Variants in LNPEP observed in about 807,000 individuals in gnomAD.
LNPEP encodes the protein leucyl-cystinyl aminopeptidase.
A neutral mutation model predicts 120.6 loss-of-function variants in LNPEP; 64 were observed. The observed-to-expected ratio is 0.53, with a 90% CI of 0.43 to 0.65. The LOEUF (loss-of-function observed/expected upper bound fraction) is 0.65. Among genes scored for constraint, LNPEP ranks in the 30% least tolerant of loss-of-function variants. The probability of loss-of-function intolerance (pLI) is 0.00; values close to 1 mark genes in which losing one functional copy is unlikely to be tolerated. For missense variants in LNPEP, 1,057 were observed against 1,200.0 expected (o/e 0.88, Z 1.76); for synonymous variants, 435 against 425.4 (o/e 1.02, Z -0.28).
chr5:96,960,904 T>C lies in LNPEP; in HGVS notation c.20-18234T>C, dbSNP rs116047276. ...TGTTTTTTTTTTCCATAATCATGTC[T>C]GGTCTCTTTTTTGAGACCAAGATGA... is the stretch of plus-strand genomic sequence containing the variant. On this transcript the variant is annotated intron_variant, in intron 1 of 17. Transcript: ENST00000231368. Among the ~76,000 whole-genome samples, 614 of 152,210 alleles carry C rather than the reference T, an allele frequency of 4.0e-3. 6 individuals carry two copies. Among genetic ancestry groups the C allele is most frequent in the African/African-American group, 0.014 (576 of 41,552 alleles).
intron 1 of LNPEP, among the ~76,000 whole-genome samples, chr5:96,966,830 A>T (rs566096742): frequency 6.6e-6 from 1 of 152,272 alleles, no homozygotes; most frequent in African/African-American, 2.4e-5. Context: ...AGCAAAGCAC[A>T]CTAGTCTTTC....
chr5:96,984,169 G>T (rs1430375112), intron 2 of LNPEP, among the ~76,000 whole-genome samples: 4 of 152,128 alleles, frequency 2.6e-5, no homozygotes, highest in African/African-American at 9.7e-5. Flanking sequence ...ACTGGGAAGA[G>T]ACTTTTTATT....
rs988772199 is a variant in LNPEP at position 97,035,246 on chromosome 5, T to C, written c.*6713T>C. On this transcript the variant is annotated 3_prime_UTR_variant, in exon 18 of 18. Coordinates refer to ENST00000231368, the MANE Select transcript of LNPEP (RefSeq NM_005575.3). ...TATACTTTTTAAAGATGTATATAAA[T>C]GTTTCATGTTATTGGTTTTGTACCT... 1.3e-5 allele frequency: 2 copies of C among 152,104 alleles called. No homozygotes were observed. The highest frequency in any genetic ancestry group is 2.9e-5 in the Non-Finnish European group (2 of 67,996). 9.4% of individuals were successfully genotyped at this position (152,104 alleles called of 1,614,324 possible). A position where few individuals can be genotyped will look rare whatever the true frequency, so the allele number is the denominator to read the frequency against.
chr5:96,945,364 C>CCA (rs1227532210), intron 1 of LNPEP, among the ~76,000 whole-genome samples: 2 of 150,166 alleles, frequency 1.3e-5, no homozygotes, highest in African/African-American at 2.5e-5. Context: ...TGTGGTCATG[C>CCA]CACTGCACTG....
At chr5:97,005,332 G>C (rs576241018) in intron 9 of LNPEP, among the ~76,000 whole-genome samples, 1 of 152,186 alleles carries the variant, frequency 6.6e-6, no homozygotes, top group South Asian at 2.1e-4. Context: ...TAAAGAGACT[G>C]TTGTTCAAAA....
At chr5:96,941,369 G>C (rs886944678) in intron 1 of LNPEP, among the ~76,000 whole-genome samples, 2 of 152,172 alleles carry the variant, frequency 1.3e-5, no homozygotes, top group Non-Finnish European at 2.9e-5. Context: ...CTGTGGCCTT[G>C]GGGTTGGGCA....
chr5:97,018,818 A>G (rs1181341861), intron 13 of LNPEP, among the ~76,000 whole-genome samples: 2 of 152,202 alleles, frequency 1.3e-5, no homozygotes, highest in Non-Finnish European at 2.9e-5. Context: ...TGTAGGCTGC[A>G]CATGACATAT....
chr5:96,963,459 T>G (rs186826665), intron 1 of LNPEP, among the ~76,000 whole-genome samples: 2 of 152,276 alleles, frequency 1.3e-5, no homozygotes, highest in Admixed American at 1.3e-4. Context: ...TAAGATAGTT[T>G]CACTCATATC....
At chr5:97,011,733 A>G (rs1213209213) in intron 11 of LNPEP, among the ~76,000 whole-genome samples, 1 of 152,234 alleles carries the variant, frequency 6.6e-6, no homozygotes, top group East Asian at 1.9e-4. Context: ...AATAAACCTT[A>G]TTTAACTGAT....
At chr5:96,983,778 C>T (rs1790181030) in intron 2 of LNPEP, among the ~76,000 whole-genome samples, 1 of 152,154 alleles carries the variant, frequency 6.6e-6, no homozygotes, top group Non-Finnish European at 1.5e-5. Context: ...GTCATATTCT[C>T]AACTGTTGTT....
intron 1 of LNPEP, among the ~76,000 whole-genome samples, chr5:96,963,773 A>G (rs1789661448): frequency 6.6e-6 from 1 of 152,190 alleles, no homozygotes; most frequent in Non-Finnish European, 1.5e-5. Flanking sequence ...TTAAATTGAC[A>G]CATTATAATT....
intron 1 of LNPEP, among the ~76,000 whole-genome samples, chr5:96,954,194 G>A (rs1789386378): frequency 6.6e-6 from 1 of 152,108 alleles, no homozygotes; most frequent in African/African-American, 2.4e-5. Flanking sequence ...TCTAAAATAA[G>A]ACATATGGTA....
chr5:96,960,750 AGT>A (rs1365373863), intron 1 of LNPEP, among the ~76,000 whole-genome samples: 1 of 152,220 alleles, frequency 6.6e-6, no homozygotes, highest in Non-Finnish European at 1.5e-5. Flanking sequence ...GAAATTATAC[AGT>A]CTCTCATCTC....
intron 9 of LNPEP, among the ~76,000 whole-genome samples, chr5:97,004,389 G>A (rs1395686703): frequency 6.6e-6 from 1 of 152,202 alleles, no homozygotes; most frequent in South Asian, 2.1e-4. Flanking sequence ...GCACATGCCT[G>A]TAGTCTCAGC....
rs1165240327 is a variant in LNPEP, at chr5:97,037,323, T to C, written c.*8790T>C. 1 of 152,156 alleles carries C rather than the reference T, an allele frequency of 6.6e-6. No homozygotes were observed. Among genetic ancestry groups the C allele is most frequent in the African/African-American group, 2.4e-5 (1 of 41,448 alleles). The allele number at this position is 152,156 out of a possible 1,614,324, so 9.4% of individuals were successfully genotyped here. On this transcript the variant is annotated 3_prime_UTR_variant, in exon 18 of 18. Coordinates refer to ENST00000231368, the MANE Select transcript of LNPEP (RefSeq NM_005575.3). ...ATCATAATCTGTCTTTTGTGAAACA[T>C]TTTGAAAATATGTATATATAATATT...
chr5:96,986,304 T>C (rs990088384), intron 3 of LNPEP, among the ~76,000 whole-genome samples: 22 of 152,160 alleles, frequency 1.4e-4, no homozygotes, highest in Non-Finnish European at 2.4e-4. Context: ...TGGTCATCTT[T>C]GGGACTAAAA....
At chr5:96,994,023 C>G (rs531478620) in intron 6 of LNPEP, 52 bp downstream of exon 6, 2 of 1,479,208 alleles carry the variant, frequency 1.4e-6, no homozygotes, top group Non-Finnish European at 1.9e-6. Flanking sequence ...ACTTCATGTC[C>G]TGGAGTTATT....
chr5:96,990,866 A>G (rs531657054), intron 4 of LNPEP, among the ~76,000 whole-genome samples: 1 of 152,340 alleles, frequency 6.6e-6, no homozygotes, highest in Non-Finnish European at 1.5e-5. Flanking sequence ...CATAAAGACA[A>G]TATGGTTGAA....
intron 1 of LNPEP, among the ~76,000 whole-genome samples, chr5:96,939,933 T>A (rs1175152406): frequency 6.6e-6 from 1 of 152,170 alleles, no homozygotes; most frequent in East Asian, 1.9e-4. Context: ...TTGTTTTTAT[T>A]TTTCTTTTGC....
Sources: gnomAD v4.1 joint callset for allele counts (sites outside exome capture counted in the v4.1 genomes callset) on GRCh38, gnomAD v4.1.1 for gene constraint, MANE v1.5 for transcripts, NCBI Gene and HGNC (gene_info 2026-07-23, HGNC 2026-07-21) for gene names.